Variants in PPARGC1A observed in about 807,000 individuals in gnomAD.
PPARGC1A encodes the protein peroxisome proliferator-activated receptor gamma coactivator 1-alpha.
A neutral mutation model predicts 88.7 loss-of-function variants in PPARGC1A; 25 were observed. The ratio of observed to expected loss-of-function variants is 0.28; its 90% CI spans 0.21 to 0.39. The LOEUF (loss-of-function observed/expected upper bound fraction) is 0.39, where lower values mean the gene tolerates loss of function less well. PPARGC1A is among the 10% of genes least tolerant of loss of function. The pLI, the probability that PPARGC1A is intolerant of heterozygous loss-of-function variation, is 1.00. For synonymous variants in PPARGC1A, 363 were observed against 355.6 expected, an observed-to-expected ratio of 1.02 and a Z score of -0.24; for missense variants, 880 against 968.7, an observed-to-expected ratio of 0.91 and a Z score of 1.22.
At chr4:24,277,440 C>T in the PPARGC1A span, among the ~76,000 whole-genome samples, 1 of 152,004 alleles carries the variant, frequency 6.6e-6, no homozygotes, top group Non-Finnish European at 1.5e-5. Context: ...CCTCTTCTTG[C>T]CCCCACCCCT....
chr4:24,387,924 AAG>A, the PPARGC1A span, among the ~76,000 whole-genome samples: 11,950 of 36,484 alleles, frequency 0.33, 1,422 homozygotes, highest in East Asian at 0.44. Context: ...GAAAGAAAGA[AAG>A]AAAGAAAGAG....
the PPARGC1A span, among the ~76,000 whole-genome samples, chr4:24,042,930 T>C: frequency 6.6e-6 from 1 of 152,218 alleles, no homozygotes; most frequent in African/African-American, 2.4e-5. Flanking sequence ...ATTTTCTTTG[T>C]TAACAAAGAT....
At chr4:24,425,207 G>A in the PPARGC1A span, among the ~76,000 whole-genome samples, 1 of 152,096 alleles carries the variant, frequency 6.6e-6, no homozygotes, top group African/African-American at 2.4e-5. Flanking sequence ...ATCTGTGATG[G>A]TAACAGATTA....
chr4:24,413,396 A>G, the PPARGC1A span, among the ~76,000 whole-genome samples: 1 of 152,230 alleles, frequency 6.6e-6, no homozygotes, highest in East Asian at 1.9e-4. Flanking sequence ...GAAAGTTTAC[A>G]GGTTACCAAC....
At chr4:24,071,996 G>T in the PPARGC1A span, among the ~76,000 whole-genome samples, 1 of 151,768 alleles carries the variant, frequency 6.6e-6, no homozygotes. Context: ...TTTTATTATG[G>T]CCTGAAAAAT....
the PPARGC1A span, among the ~76,000 whole-genome samples, chr4:24,346,312 GT>G: frequency 2.6e-5 from 4 of 151,956 alleles, no homozygotes; most frequent in African/African-American, 4.8e-5. Context: ...GTTAGGGAGG[GT>G]TTTTTCTTTC....
chr4:24,312,633 C>CA, the PPARGC1A span, among the ~76,000 whole-genome samples: 80,004 of 125,908 alleles, frequency 0.64, 24,607 homozygotes, highest in Middle Eastern at 0.68. Context: ...TTTCATCAAC[C>CA]AAAAAAAAAA....
the PPARGC1A span, among the ~76,000 whole-genome samples, chr4:24,397,895 G>A: frequency 6.6e-6 from 1 of 152,172 alleles, no homozygotes; most frequent in South Asian, 2.1e-4. Context: ...AGGCTATGTG[G>A]TAACTAGGTC....
the PPARGC1A span, among the ~76,000 whole-genome samples, chr4:24,153,690 T>C: frequency 1.3e-5 from 2 of 152,162 alleles, no homozygotes; most frequent in Non-Finnish European, 2.9e-5. Context: ...CACATGAAAA[T>C]CTGATGATAT....
At chr4:24,095,041 T>C in the PPARGC1A span, among the ~76,000 whole-genome samples, 1 of 151,886 alleles carries the variant, frequency 6.6e-6, no homozygotes. Context: ...CAAATGCAAG[T>C]GCTAATAACT....
At chr4:23,918,098 A>G in the PPARGC1A span, among the ~76,000 whole-genome samples, 2 of 152,206 alleles carry the variant, frequency 1.3e-5, no homozygotes, top group Admixed American at 6.5e-5. Context: ...CAAGGCTACA[A>G]TTAGCCCCTC....
At chr4:24,263,350 T>A in the PPARGC1A span, among the ~76,000 whole-genome samples, 3 of 152,094 alleles carry the variant, frequency 2.0e-5, no homozygotes, top group African/African-American at 7.2e-5. Context: ...CATGCAGAGT[T>A]TATTTCCCAT....
the PPARGC1A span, among the ~76,000 whole-genome samples, chr4:24,045,486 TC>T: frequency 1.3e-5 from 2 of 152,092 alleles, no homozygotes; most frequent in Non-Finnish European, 2.9e-5. Context: ...AGGGCCATGC[TC>T]TCTCTTAAGA....
the PPARGC1A span, among the ~76,000 whole-genome samples, chr4:24,310,978 C>G: frequency 6.6e-6 from 1 of 151,392 alleles, no homozygotes; most frequent in African/African-American, 2.4e-5. Flanking sequence ...TAAATGTGAT[C>G]TCTCACAAGG....
the PPARGC1A span, among the ~76,000 whole-genome samples, chr4:24,082,486 T>C: frequency 2.0e-5 from 3 of 152,116 alleles, no homozygotes; most frequent in African/African-American, 4.8e-5. Flanking sequence ...CTAGCTTAAA[T>C]TGAGCTTGAG....
the PPARGC1A span, among the ~76,000 whole-genome samples, chr4:24,220,898 T>G: frequency 1.3e-5 from 2 of 152,196 alleles, no homozygotes; most frequent in Non-Finnish European, 2.9e-5. Context: ...AATATGTCCA[T>G]TTGTTTTACA....
At chr4:24,468,588 A>C in the PPARGC1A span, among the ~76,000 whole-genome samples, 1 of 152,170 alleles carries the variant, frequency 6.6e-6, no homozygotes, top group Non-Finnish European at 1.5e-5. Flanking sequence ...CTCTCTCCAA[A>C]AAAATCACCC....
intron 2 of PPARGC1A, among the ~76,000 whole-genome samples, chr4:23,832,054 C>G (rs189404074): frequency 6.6e-6 from 1 of 152,236 alleles, no homozygotes; most frequent in Admixed American, 6.5e-5. Context: ...TCCACTTGCT[C>G]ATGTTTTCTT....
upstream of PPARGC1A, among the ~76,000 whole-genome samples, chr4:23,892,777 C>T (rs1485302507): frequency 6.6e-6 from 1 of 152,112 alleles, no homozygotes; most frequent in Non-Finnish European, 1.5e-5. Context: ...GTGTGCACAG[C>T]CATGTATCAC....
Sources: gnomAD v4.1 joint callset for allele counts (sites outside exome capture counted in the v4.1 genomes callset) on GRCh38, gnomAD v4.1.1 for gene constraint, MANE v1.5 for transcripts, NCBI Gene and HGNC (gene_info 2026-07-23, HGNC 2026-07-21) for gene names.